PDE8B: variants seen among roughly 807,000 people sequenced by gnomAD.
PDE8B encodes high affinity cAMP-specific and IBMX-insensitive 3',5'-cyclic phosphodiesterase 8B.
A neutral mutation model predicts 101.3 loss-of-function variants in PDE8B; 26 were observed. That is an observed-to-expected ratio of 0.26 (90% CI 0.19 to 0.36). The LOEUF is 0.36. Among genes scored for constraint, PDE8B ranks in the 10% least tolerant of loss-of-function variants. PDE8B has a pLI of 1.00. For missense variants in PDE8B, 810 were observed against 1,163.1 expected (o/e 0.70, Z 4.42); for synonymous variants, 424 against 429.3 (o/e 0.99, Z 0.15).
chr5:77,405,804 G>A (rs1179686154), intron 12 of PDE8B, among the ~76,000 whole-genome samples: 6 of 152,172 alleles, frequency 3.9e-5, no homozygotes, highest in African/African-American at 1.4e-4. Context: ...CAACAGACTA[G>A]TAGATTTCAC....
rs1306311665 is a variant in PDE8B, at chr5:77,367,536, T to C, written c.1167+14130T>C. Among the ~76,000 whole-genome samples the C allele has an allele frequency of 3.1e-4, 45 of 146,350 alleles. 1 individual carries two copies. The Middle Eastern group carries it at 0.011, about 34-fold the overall frequency. The stretch of plus-strand genomic sequence containing the variant: ...GTTCCTTCTCTTTTTCTCTCTTTTT[T>C]TTTTTTTTTTTTTTTGACAGAGTCT... On this transcript the variant is annotated intron_variant, in intron 10 of 21. Transcript: ENST00000264917.
intron 1 of PDE8B, among the ~76,000 whole-genome samples, chr5:77,272,595 G>C (rs1580717409): frequency 6.6e-6 from 1 of 152,318 alleles, no homozygotes; most frequent in Admixed American, 6.5e-5. Flanking sequence ...TCTTCTCTGA[G>C]CTACTGCTTG....
chr5:77,175,502 C>T, the PDE8B span, among the ~76,000 whole-genome samples: 1 of 152,224 alleles, frequency 6.6e-6, no homozygotes, highest in Non-Finnish European at 1.5e-5. Context: ...AACATCCCCT[C>T]CCAGGGAAGC....
chr5:77,290,187 T>A, intron 1 of PDE8B: 1 of 1,505,728 alleles, frequency 6.6e-7, no homozygotes, highest in Non-Finnish European at 9.0e-7. Context: ...ACCATTGATG[T>A]GGCGCCTGCC....
intron 6 of PDE8B, 103 bp from the exon 7 acceptor site, chr5:77,344,750 C>T (rs1198370319): frequency 4.9e-6 from 4 of 815,300 alleles, no homozygotes; most frequent in African/African-American, 3.4e-5. Context: ...ACAAAAAGTA[C>T]GTAGATTTGA....
intron 1 of PDE8B, among the ~76,000 whole-genome samples, chr5:77,253,067 T>C (rs1758392314): frequency 6.6e-6 from 1 of 152,186 alleles, no homozygotes; most frequent in African/African-American, 2.4e-5. Context: ...GAAAATTAAT[T>C]GGTATACTAG....
At chr5:77,346,796 A>T (rs1780223520) in intron 7 of PDE8B, among the ~76,000 whole-genome samples, 1 of 152,202 alleles carries the variant, frequency 6.6e-6, no homozygotes, top group East Asian at 1.9e-4. Flanking sequence ...TGTAGTATGG[A>T]ACTTAAAACA....
At chr5:77,132,124 G>A in the PDE8B span, among the ~76,000 whole-genome samples, 1 of 152,116 alleles carries the variant, frequency 6.6e-6, no homozygotes, top group Non-Finnish European at 1.5e-5. Flanking sequence ...CAAGCTAATT[G>A]TATTACATTT....
At chr5:77,289,493 A>G (rs1766785439) in intron 1 of PDE8B, among the ~76,000 whole-genome samples, 1 of 152,214 alleles carries the variant, frequency 6.6e-6, no homozygotes. Context: ...CTGTTTTTGA[A>G]GAGAAAGCAT....
At chr5:77,223,221 A>G (rs1470174469) in intron 1 of PDE8B, among the ~76,000 whole-genome samples, 1 of 151,814 alleles carries the variant, frequency 6.6e-6, no homozygotes, top group Non-Finnish European at 1.5e-5. Flanking sequence ...GATAGTTTAC[A>G]TTCTTTCTTT....
rs1215492100 is a variant in PDE8B at position 77,418,229 on chromosome 5, G to A, written c.1912G>A (p.Gly638Arg). Reference sequence around the variant, plus strand: ...TCAACCTTGCCTCCCCATATCCCAGGGAAGCCTCGATCAGTTGGATGAGGT... The same window carrying A: ...TCAACCTTGCCTCCCCATATCCCAGAGAAGCCTCGATCAGTTGGATGAGGT... ...AFFLGKERVK[G>R]SLDQLDEVAA... Residue 638 changes from glycine (G) to arginine (R), a missense_variant and splice_region_variant, in exon 18 of 22, where the codon GGA becomes AGA. Gly to Arg is a moderately radical substitution (Grantham distance 125, BLOSUM62 -2). Transcript: ENST00000264917. The A allele has an allele frequency of 3.7e-6, 6 of 1,606,516 alleles. No individual in the cohort carries two copies. Among genetic ancestry groups the A allele is most frequent in the Non-Finnish European group, 3.4e-6 (4 of 1,173,174 alleles).
At chr5:77,416,032 A>G (rs1269585375) in intron 17 of PDE8B, among the ~76,000 whole-genome samples, 1 of 151,992 alleles carries the variant, frequency 6.6e-6, no homozygotes, top group East Asian at 1.9e-4. Context: ...TTCCATGGAC[A>G]TTTCCTCCTC....
the PDE8B span, among the ~76,000 whole-genome samples, chr5:77,111,299 G>T: frequency 2.0e-5 from 3 of 152,150 alleles, no homozygotes; most frequent in Non-Finnish European, 4.4e-5. Context: ...AAACATAACT[G>T]CTAGGTATTA....
intron 1 of PDE8B, among the ~76,000 whole-genome samples, chr5:77,288,885 AC>A (rs1216560637): frequency 6.9e-6 from 1 of 145,678 alleles, no homozygotes; most frequent in Non-Finnish European, 1.5e-5. Flanking sequence ...ACCCAGACCT[AC>A]ATCCCAGCTT....
At chr5:77,089,981 A>T in the PDE8B span, among the ~76,000 whole-genome samples, 1 of 152,228 alleles carries the variant, frequency 6.6e-6, no homozygotes, top group African/African-American at 2.4e-5. Context: ...AAATCCTGTC[A>T]TTTGCAGCAA....
chr5:77,110,907 G>A, the PDE8B span, among the ~76,000 whole-genome samples: 1 of 152,206 alleles, frequency 6.6e-6, no homozygotes, highest in South Asian at 2.1e-4. Flanking sequence ...ATATCAGGCA[G>A]GGTTCCTGCA....
chr5:77,291,242 C>T (rs1020581736), intron 1 of PDE8B: 7 of 1,611,928 alleles, frequency 4.3e-6, no homozygotes, highest in Admixed American at 1.7e-5. Context: ...TTAAAAAGGC[C>T]TACGCACAGA....
At chr5:77,212,737 G>C (rs1748768871) in intron 1 of PDE8B, among the ~76,000 whole-genome samples, 1 of 152,042 alleles carries the variant, frequency 6.6e-6, no homozygotes, top group African/African-American at 2.4e-5. Context: ...CTTTGCTTTT[G>C]TCAAGCTCTC....
the PDE8B span, among the ~76,000 whole-genome samples, chr5:77,195,266 A>G: frequency 7.2e-5 from 11 of 152,242 alleles, no homozygotes; most frequent in Non-Finnish European, 1.5e-4. Flanking sequence ...AGTCGTTTAT[A>G]TAATGGCATG....
Sources: allele counts gnomAD v4.1 joint callset (sites outside exome capture counted in the v4.1 genomes callset), GRCh38; gene constraint gnomAD v4.1.1; transcripts MANE v1.5; gene names NCBI Gene and HGNC (gene_info 2026-07-23, HGNC 2026-07-21).